RBFOX1: variants seen among roughly 807,000 people sequenced by gnomAD.
RBFOX1 encodes the protein RNA binding protein fox-1 homolog 1.
RBFOX1 carries 8 observed loss-of-function variants against 57.7 expected under a neutral mutation model. The ratio of observed to expected loss-of-function variants is 0.14; its 90% CI spans 0.08 to 0.25. The LOEUF is 0.25. RBFOX1 is among the 10% of genes least tolerant of loss of function. RBFOX1 has a pLI of 1.00. For missense variants in RBFOX1, 611 were observed against 548.5 expected (o/e 1.11, Z -1.14); for synonymous variants, 326 against 222.4 (o/e 1.47, Z -4.15).
chr16:6,045,107 G>C (rs948968444), intron 1 of RBFOX1, among the ~76,000 whole-genome samples: 2 of 152,192 alleles, frequency 1.3e-5, no homozygotes, highest in African/African-American at 4.8e-5. Flanking sequence ...CTAAAGCAGG[G>C]CTTCTCAAAT....
chr16:6,578,693 G>C (rs886394556), intron 2 of RBFOX1, among the ~76,000 whole-genome samples: 12 of 151,416 alleles, frequency 7.9e-5, no homozygotes, highest in Non-Finnish European at 1.5e-4. Context: ...GAGAAACAGA[G>C]AGTGAAGAAG....
intron 2 of RBFOX1, among the ~76,000 whole-genome samples, chr16:5,512,443 TC>T (rs2043631877): frequency 6.6e-6 from 1 of 151,136 alleles, no homozygotes; most frequent in Non-Finnish European, 1.5e-5. Context: ...TGTCTCTCTC[TC>T]TCTTCTTTCA....
intron 4 of RBFOX1, among the ~76,000 whole-genome samples, chr16:7,288,813 C>G (rs562265203): frequency 1.3e-5 from 2 of 152,176 alleles, no homozygotes; most frequent in East Asian, 3.9e-4. Flanking sequence ...TGCACTCCAG[C>G]CTGCGCGATA....
At chr16:6,476,403 A>G (rs185475568) in intron 2 of RBFOX1, among the ~76,000 whole-genome samples, 1 of 152,328 alleles carries the variant, frequency 6.6e-6, no homozygotes, top group East Asian at 1.9e-4. Context: ...CCACTGCAAT[A>G]CAGTAAATAT....
chr16:6,337,795 G>T (rs549131069), intron 2 of RBFOX1, among the ~76,000 whole-genome samples: 6 of 152,260 alleles, frequency 3.9e-5, no homozygotes, highest in South Asian at 2.1e-4. Flanking sequence ...ATTTTTCCAC[G>T]TTGAGACGAA....
At chr16:7,364,429 C>T (rs143461518) in intron 4 of RBFOX1, among the ~76,000 whole-genome samples, 1,691 of 151,872 alleles carry the variant, frequency 0.011, 20 homozygotes, top group Middle Eastern at 0.027. Context: ...TTTTTTTGTG[C>T]GTGTTTAACA....
intron 1 of RBFOX1, among the ~76,000 whole-genome samples, chr16:6,075,666 A>C (rs150847515): frequency 6.6e-6 from 1 of 152,238 alleles, no homozygotes; most frequent in African/African-American, 2.4e-5. Context: ...AATCCAGTGC[A>C]TTCAATACAG....
chr16:7,413,355 G>C lies in RBFOX1; in HGVS notation c.28-104792G>C, dbSNP rs1458033313. 2.0e-5 allele frequency among the ~76,000 whole-genome samples: 3 copies of C among 151,820 alleles called. 1 individual carries two copies. The highest frequency in any genetic ancestry group is 2.0e-4 in the Admixed American group (3 of 15,242). On this transcript the variant is annotated intron_variant, in intron 4 of 15. Coordinates refer to ENST00000550418, the MANE Select transcript of RBFOX1 (RefSeq NM_018723.4). ...TCCCCAGTCTTCCTCTGTAGCAATG[G>C]GTCCCACACATCCCTGAATCACTTG...
In RBFOX1 at chr16:7,666,733, A is replaced by G. The variant is rs373132827; in HGVS notation, c.930+1765A>G. On this transcript the variant is annotated intron_variant, in intron 13 of 15. Coordinates refer to ENST00000550418, the MANE Select transcript of RBFOX1 (RefSeq NM_018723.4). ...GCAAATAGAGAAAAAACAAAGTTAG[A>G]AGAAGGAAATATGCCAACCACTTGA... 7.2e-4 allele frequency among the ~76,000 whole-genome samples: 109 copies of G among 152,352 alleles called. 3 individuals carry two copies. The South Asian group carries it at 0.021, about 30-fold the overall frequency.
chr16:7,525,379 A>AGC (rs2152308358), intron 5 of RBFOX1, among the ~76,000 whole-genome samples: 1 of 152,206 alleles, frequency 6.6e-6, no homozygotes, highest in African/African-American at 2.4e-5. Flanking sequence ...TGCACTGTTG[A>AGC]TATTTACCAT....
At chr16:6,709,997 G>C (rs1026542570) in intron 3 of RBFOX1, among the ~76,000 whole-genome samples, 2 of 152,126 alleles carry the variant, frequency 1.3e-5, no homozygotes, top group African/African-American at 2.4e-5. Flanking sequence ...TGTGAAATGA[G>C]ATACAGGTAA....
intron 1 of RBFOX1, among the ~76,000 whole-genome samples, chr16:6,196,571 A>G (rs2097181390): frequency 6.6e-6 from 1 of 152,156 alleles, no homozygotes; most frequent in African/African-American, 2.4e-5. Flanking sequence ...CACCCCCCAA[A>G]TGTGAATTAT....
chr16:5,533,143 G>A (rs1258118088), intron 2 of RBFOX1, among the ~76,000 whole-genome samples: 2 of 152,134 alleles, frequency 1.3e-5, no homozygotes, highest in African/African-American at 4.8e-5. Context: ...GGTGGGAGAA[G>A]GAATCAAAGA....
intron 5 of RBFOX1, among the ~76,000 whole-genome samples, chr16:7,531,406 AT>A (rs1228333760): frequency 6.6e-6 from 1 of 152,138 alleles, no homozygotes; most frequent in African/African-American, 2.4e-5. Context: ...ATCAGATTGA[AT>A]TTTTACAGCA....
chr16:6,045,123 T>C (rs1163092267), intron 1 of RBFOX1, among the ~76,000 whole-genome samples: 1 of 152,222 alleles, frequency 6.6e-6, no homozygotes, highest in East Asian at 1.9e-4. Flanking sequence ...CAAATTTTAA[T>C]GAGCGTGCAA....
rs114063644 is a variant in RBFOX1 at position 6,835,674 on chromosome 16, A to T, written c.-16+181024A>T. Among the ~76,000 whole-genome samples, 420 of 148,146 alleles carry T rather than the reference A, an allele frequency of 2.8e-3. 4 individuals are homozygous for T. The highest frequency in any genetic ancestry group is 0.01 in the African/African-American group (410 of 40,182). ...GAGGCTGAGGCATGAGAATAGCTTG[A>T]ACCTCAGAGGTAGAGGTTGCAGTGA... On this transcript the variant is annotated intron_variant, in intron 3 of 15. Transcript: ENST00000550418.
Position 7,321,397 on chromosome 16 carries a change from C to T in RBFOX1, c.28-196750C>T, listed in dbSNP as rs7199268. On this transcript the variant is annotated intron_variant, in intron 4 of 15. Coordinates refer to ENST00000550418, the MANE Select transcript of RBFOX1 (RefSeq NM_018723.4). ...CTGACCTCAAGTGATACACCCTCCT[C>T]GGCCTCCCAAAGTGCTGGGATTACA... 9.5e-3 allele frequency among the ~76,000 whole-genome samples: 1,439 copies of T among 152,222 alleles called. 19 individuals carry two copies. Among genetic ancestry groups the T allele is most frequent in the African/African-American group, 0.033 (1,350 of 41,528 alleles).
chr16:6,210,360 C>T (rs145638427), intron 1 of RBFOX1, among the ~76,000 whole-genome samples: 4 of 27,470 alleles, frequency 1.5e-4, no homozygotes, highest in African/African-American at 8.2e-4. Context: ...AAAAAAAACA[C>T]CAAAAAAAAA....
intron 3 of RBFOX1, among the ~76,000 whole-genome samples, chr16:5,792,823 A>G (rs887992415): frequency 1.3e-5 from 2 of 152,200 alleles, no homozygotes; most frequent in African/African-American, 2.4e-5. Context: ...AGCCTGGGCA[A>G]CAAGAGCGAG....
Sources: allele counts gnomAD v4.1 joint callset (sites outside exome capture counted in the v4.1 genomes callset), GRCh38; gene constraint gnomAD v4.1.1; transcripts MANE v1.5; gene names NCBI Gene and HGNC (gene_info 2026-07-23, HGNC 2026-07-21).